The following DNAH14 variants were observed in gnomAD, a reference collection of about 807,000 sequenced individuals.
DNAH14 encodes the protein dynein axonemal heavy chain 14.
Under a neutral mutation model 520.9 loss-of-function variants are expected in DNAH14, and 478 were observed. The ratio of observed to expected loss-of-function variants is 0.92; its 90% CI spans 0.85 to 0.99. The LOEUF is 0.99. Among genes scored for constraint, DNAH14 ranks in the 50% least tolerant of loss-of-function variants. DNAH14 has a pLI of 0.00. For missense variants in DNAH14, 4,831 were observed against 5,234.5 expected (o/e 0.92, Z 2.38); for synonymous variants, 1,581 against 1,757.2 (o/e 0.90, Z 2.51).
intron 15 of DNAH14, among the ~76,000 whole-genome samples, chr1:225,047,378 A>T (rs1506073): frequency 2.6e-5 from 4 of 152,052 alleles, no homozygotes; most frequent in Non-Finnish European, 4.4e-5. Flanking sequence ...TCAATGACAG[A>T]CCACATGGTA....
At chr1:225,148,219 C>T (rs1401267640) in intron 31 of DNAH14, among the ~76,000 whole-genome samples, 2 of 152,072 alleles carry the variant, frequency 1.3e-5, no homozygotes, top group Non-Finnish European at 2.9e-5. Flanking sequence ...CACTGTCTCT[C>T]ACAATAATGG....
intron 1 of DNAH14, among the ~76,000 whole-genome samples, chr1:224,949,045 A>G (rs1035931080): frequency 1.3e-5 from 2 of 151,912 alleles, no homozygotes. Context: ...GTCCTTTAGG[A>G]TAATTTTTAC....
At chr1:225,056,460 T>C (rs1269837611) in intron 17 of DNAH14, among the ~76,000 whole-genome samples, 1 of 152,134 alleles carries the variant, frequency 6.6e-6, no homozygotes, top group East Asian at 1.9e-4. Flanking sequence ...ATTGCAAAAA[T>C]TTTCTCCCAT....
At chr1:224,951,574 C>T (rs77392783) in intron 1 of DNAH14, among the ~76,000 whole-genome samples, 7,953 of 150,674 alleles carry the variant, frequency 0.053, 317 homozygotes, top group Non-Finnish European at 0.078. Context: ...CCCTGAGTCT[C>T]GTCAATAGGT....
At chr1:225,134,575 A>G (rs1229460361) in intron 27 of DNAH14, among the ~76,000 whole-genome samples, 1 of 152,178 alleles carries the variant, frequency 6.6e-6, no homozygotes, top group East Asian at 1.9e-4. Flanking sequence ...TATAAAGCCA[A>G]CTTGTTTGTG....
chr1:225,068,492 A>G (rs1480872579), intron 17 of DNAH14, among the ~76,000 whole-genome samples: 2 of 152,072 alleles, frequency 1.3e-5, no homozygotes, highest in African/African-American at 2.4e-5. Context: ...AAGAATGTCA[A>G]TGGTAGTTTA....
At position 225,308,399 on chromosome 1, in the gene DNAH14, G is replaced by T; in HGVS notation, c.9229G>T (p.Asp3077Tyr). The T allele has an allele frequency of 6.6e-7, 1 of 1,523,930 alleles. No individual in the cohort carries two copies. The highest frequency in any genetic ancestry group is 8.8e-7 in the Non-Finnish European group (1 of 1,139,454). The allele number at this position is 1,523,930 out of a possible 1,614,324, so 94.4% of individuals were successfully genotyped here. ...GGCAGAAGAAGTAAGAATTGTGGAA[G>T]ATTATGCTCAGGTAAAATTAAAATA... is the stretch of plus-strand genomic sequence containing the variant. ...IVAEEVRIVE[D>Y]YAQKTANELK... The change falls in exon 60 of 86, where the codon GAT (aspartate) becomes TAT (tyrosine). Residue 3077 changes from aspartate (D) to tyrosine (Y), a missense_variant. Transcript: ENST00000682510.
intron 54 of DNAH14, among the ~76,000 whole-genome samples, chr1:225,279,774 G>T (rs1162070737): frequency 6.6e-6 from 1 of 151,954 alleles, no homozygotes; most frequent in Non-Finnish European, 1.5e-5. Flanking sequence ...AAACAGATAG[G>T]GAAGTGTGAG....
chr1:225,180,739 C>A (rs1253987249), intron 36 of DNAH14, among the ~76,000 whole-genome samples: 1 of 152,134 alleles, frequency 6.6e-6, no homozygotes, highest in Non-Finnish European at 1.5e-5. Flanking sequence ...CAAACTGTAC[C>A]ACTGTGTACT....
chr1:225,266,831 T>A (rs1218338655), intron 49 of DNAH14, 62 bp downstream of exon 49: 12 of 1,397,910 alleles, frequency 8.6e-6, no homozygotes, highest in African/African-American at 3.0e-5. Context: ...AATTAAATGT[T>A]TATAACAATG....
At chr1:225,275,032 A>G (rs1194016140) in intron 52 of DNAH14, among the ~76,000 whole-genome samples, 1 of 152,226 alleles carries the variant, frequency 6.6e-6, no homozygotes, top group Non-Finnish European at 1.5e-5. Flanking sequence ...GATTTTACAG[A>G]TGAAGAAACC....
In DNAH14 at chr1:225,265,362, A is replaced by T. The variant is rs1383134942; in HGVS notation, c.7403A>T (p.Asn2468Ile). ...AAAGATACTCTTGGAGCACCAAAAA[A>T]CAACCGGGTAAAACACCTCTCATAC... ...RTKDTLGAPK[N>I]NRILIFIDDM... The change falls in exon 48 of 86, where the codon AAC becomes ATC. Residue 2468 changes from asparagine to isoleucine, a missense_variant. Physicochemically the swap from Asn to Ile is moderately radical, Grantham distance 149. Coordinates refer to ENST00000682510, the MANE Select transcript of DNAH14 (RefSeq NM_001367479.1). 3 of 1,533,720 alleles carry T rather than the reference A, an allele frequency of 2.0e-6. No individual in the cohort carries two copies. Among genetic ancestry groups the T allele is most frequent in the Non-Finnish European group, 2.6e-6 (3 of 1,142,364 alleles).
chr1:225,393,120 G>A (rs1305531532), intron 84 of DNAH14, among the ~76,000 whole-genome samples: 1 of 152,168 alleles, frequency 6.6e-6, no homozygotes, highest in African/African-American at 2.4e-5. Flanking sequence ...TTGGTTTAAA[G>A]ATTTGAAAAA....
chr1:225,237,014 CTT>C (rs34751509), intron 42 of DNAH14, among the ~76,000 whole-genome samples: 1 of 152,040 alleles, frequency 6.6e-6, no homozygotes, highest in African/African-American at 2.4e-5. Flanking sequence ...TGCTACCCCA[CTT>C]TTTTTGTTTG....
chr1:224,964,413 A>G (rs2061029819), intron 4 of DNAH14, 66 bp from the exon 5 acceptor site: 7 of 1,479,238 alleles, frequency 4.7e-6, no homozygotes, highest in Admixed American at 2.2e-5. Flanking sequence ...TTGTAATATT[A>G]TGCATTATCC....
intron 12 of DNAH14, among the ~76,000 whole-genome samples, chr1:225,041,276 T>C (rs1255959301): frequency 6.6e-6 from 1 of 152,232 alleles, no homozygotes; most frequent in Non-Finnish European, 1.5e-5. Flanking sequence ...AAGCGAGAGA[T>C]AAGAGCTAAA....
Position 225,080,470 on chromosome 1 carries a change from C to G in DNAH14, c.2858C>G (p.Thr953Ser), listed in dbSNP as rs1477591925. The G allele has an allele frequency of 1.9e-6, 3 of 1,551,760 alleles. No homozygotes were observed. Among genetic ancestry groups the G allele is most frequent in the Admixed American group, 2.0e-5 (1 of 50,994 alleles). ...QTLSGEAASL[T>S]NKAKAYSHYQ... ...CTCTCAGGGGAAGCTGCAAGTTTAA[C>G]TAACAAAGCTAAAGCATATTCACAT... is the stretch of plus-strand genomic sequence containing the variant. Residue 953 changes from threonine to serine, a missense_variant, in exon 19 of 86, where the codon ACT (threonine) becomes AGT (serine). Thr to Ser is a moderately conservative substitution (Grantham distance 58). Coordinates refer to ENST00000682510, the MANE Select transcript of DNAH14 (RefSeq NM_001367479.1).
intron 69 of DNAH14, among the ~76,000 whole-genome samples, chr1:225,341,606 C>T (rs140537482): frequency 0.011 from 1,636 of 152,188 alleles, 27 homozygotes; most frequent in African/African-American, 0.037. Context: ...ATGGAGGTTG[C>T]GGTGAGTCAA....
rs2061662422 is a variant in DNAH14, at chr1:224,974,131, A to G, written c.808A>G (p.Arg270Gly). Reference protein sequence around the residue: ...AFVTWKLNVKRIKTEKSRSFL... With the variant: ...AFVTWKLNVKGIKTEKSRSFL... Reference sequence around the variant, plus strand: ...TGTTACCTGGAAATTGAATGTTAAAAGAATTAAGACAGAGAAGAGCAGGTA... The same window carrying G: ...TGTTACCTGGAAATTGAATGTTAAAGGAATTAAGACAGAGAAGAGCAGGTA... The change falls in exon 8 of 86, where the codon AGA becomes GGA. Residue 270 changes from arginine to glycine, a missense_variant. Transcript: ENST00000682510. 2 of 1,502,644 alleles carry G rather than the reference A, an allele frequency of 1.3e-6. No homozygotes were observed. The highest frequency in any genetic ancestry group is 1.8e-6 in the Non-Finnish European group (2 of 1,120,798). The allele number at this position is 1,502,644 out of a possible 1,614,324, so 93.1% of individuals were successfully genotyped here. A position where few individuals can be genotyped will look rare whatever the true frequency, so the allele number is the denominator to read the frequency against.
Sources: gnomAD v4.1 joint callset for allele counts (sites outside exome capture counted in the v4.1 genomes callset) on GRCh38, gnomAD v4.1.1 for gene constraint, MANE v1.5 for transcripts, NCBI Gene and HGNC (gene_info 2026-07-23, HGNC 2026-07-21) for gene names.